Variants in HMCN1 observed in about 807,000 individuals in gnomAD.
HMCN1 encodes hemicentin 1, also known as hemicentin-1.
Under a neutral mutation model 625.9 loss-of-function variants are expected in HMCN1, and 321 were observed. That is an observed-to-expected ratio of 0.51 (90% CI 0.47 to 0.56). HMCN1 has a LOEUF of 0.56. HMCN1 is among the 20% of genes least tolerant of loss of function. The pLI is 0.00. For synonymous variants in HMCN1, 2,425 were observed against 2,417.6 expected (o/e 1.00, Z -0.09); for missense variants, 6,588 against 6,887.3 (o/e 0.96, Z 1.54).
At position 186,047,003 on chromosome 1, in the gene HMCN1, A is replaced by G. The variant is rs368108049; in HGVS notation, c.6480+1140A>G. 2.6e-5 allele frequency among the ~76,000 whole-genome samples: 4 copies of G among 152,154 alleles called. No individual in the cohort carries two copies. In the East Asian group the frequency reaches 7.7e-4, roughly 29 times the overall value. On this transcript the variant is annotated intron_variant, in intron 41 of 106. Transcript: ENST00000271588. Reference sequence around the variant, plus strand: ...CAGAACCCATGCTACTAACCACCACATAGCCTCTTGCTAAAGGAATGTTTA... The same window carrying G: ...CAGAACCCATGCTACTAACCACCACGTAGCCTCTTGCTAAAGGAATGTTTA...
chr1:186,136,525 A>G, intron 86 of HMCN1, 143 bp from the exon 87 acceptor site: 1 of 740,362 alleles, frequency 1.4e-6, no homozygotes, highest in Non-Finnish European at 2.3e-6. Context: ...TGGCAATTAT[A>G]ATCTATAATC....
chr1:185,765,824 C>T (rs1655837926), intron 1 of HMCN1, among the ~76,000 whole-genome samples: 1 of 152,180 alleles, frequency 6.6e-6, no homozygotes, highest in African/African-American at 2.4e-5. Flanking sequence ...GCCCAGCAAT[C>T]TGTGTTCTAA....
intron 4 of HMCN1, among the ~76,000 whole-genome samples, chr1:185,885,666 C>T (rs1664599915): frequency 1.3e-5 from 2 of 151,918 alleles, no homozygotes; most frequent in African/African-American, 4.8e-5. Context: ...GATTTATAAA[C>T]ATCACTGTAT....
chr1:185,867,118 A>C (rs995790312), intron 4 of HMCN1, among the ~76,000 whole-genome samples: 1 of 152,248 alleles, frequency 6.6e-6, no homozygotes, highest in East Asian at 1.9e-4. Flanking sequence ...GAATCTAGCG[A>C]AAAATTTTTT....
chr1:185,891,455 G>T (rs1425315239), intron 4 of HMCN1, among the ~76,000 whole-genome samples: 2 of 148,252 alleles, frequency 1.3e-5, no homozygotes, highest in Non-Finnish European at 2.9e-5. Context: ...GGTACCGGTT[G>T]TTCCTTTCAT....
At chr1:186,094,230 G>C (rs1182561423) in intron 66 of HMCN1, 46 bp from the exon 67 acceptor site, 2 of 1,361,958 alleles carry the variant, frequency 1.5e-6, no homozygotes, top group African/African-American at 1.4e-5. Context: ...ATGTGTACTT[G>C]TTGTATGGGA....
intron 4 of HMCN1, among the ~76,000 whole-genome samples, chr1:185,899,025 T>C (rs1161018079): frequency 6.6e-6 from 1 of 152,048 alleles, no homozygotes; most frequent in Non-Finnish European, 1.5e-5. Context: ...GGCCCTTCTT[T>C]TGTGTGGACC....
In HMCN1 at chr1:186,152,805, G is replaced by A; in HGVS notation, c.14952G>A (p.Leu4984=). 1.2e-6 allele frequency: 2 copies of A among 1,614,008 alleles called. No homozygotes were observed. The highest frequency in any genetic ancestry group is 2.2e-5 in the South Asian group (2 of 91,070). ...GGGGCTTGGATTCCGATGGTTCTTT[G>A]CTGCTAGATATCGTTGTGAGTGGCT... ...IARGLDSDGS[L]LLDIVVSGYV... The change falls in exon 96 of 107, where the codon TTG becomes TTA. Residue 4984 remains leucine, a synonymous_variant. Transcript: ENST00000271588.
chr1:185,801,126 A>G (rs1658765645), intron 1 of HMCN1, among the ~76,000 whole-genome samples: 1 of 152,246 alleles, frequency 6.6e-6, no homozygotes, highest in Admixed American at 6.5e-5. Flanking sequence ...TAAATTGAGT[A>G]GAAAAACAAA....
At chr1:185,903,089 C>A (rs977099761) in intron 4 of HMCN1, among the ~76,000 whole-genome samples, 1 of 151,704 alleles carries the variant, frequency 6.6e-6, no homozygotes, top group African/African-American at 2.4e-5. Context: ...GCTAAATTTT[C>A]TCTCTCATTT....
At chr1:185,953,854 G>A (rs895806233) in intron 11 of HMCN1, among the ~76,000 whole-genome samples, 2 of 151,406 alleles carry the variant, frequency 1.3e-5, no homozygotes, top group South Asian at 2.1e-4. Flanking sequence ...GGCTGAGTCC[G>A]AAAAGAGAGT....
intron 1 of HMCN1, among the ~76,000 whole-genome samples, chr1:185,836,844 A>G (rs1438006534): frequency 1.3e-5 from 2 of 152,016 alleles, no homozygotes; most frequent in African/African-American, 4.8e-5. Flanking sequence ...ATATGTATTC[A>G]ATGTTTAGCT....
intron 47 of HMCN1, 60 bp downstream of exon 47, chr1:186,062,024 G>A: frequency 8.4e-6 from 9 of 1,070,794 alleles, no homozygotes; most frequent in Non-Finnish European, 1.2e-5. Flanking sequence ...CCTGGAAGCA[G>A]AGTTAAAATT....
At chr1:185,954,954 A>G in intron 11 of HMCN1, among the ~76,000 whole-genome samples, 1 of 152,112 alleles carries the variant, frequency 6.6e-6, no homozygotes, top group East Asian at 1.9e-4. Flanking sequence ...TAAATGAGCT[A>G]TTGTAAAATT....
intron 15 of HMCN1, among the ~76,000 whole-genome samples, chr1:185,970,728 G>A (rs1650756472): frequency 1.3e-5 from 2 of 151,472 alleles, no homozygotes; most frequent in South Asian, 2.1e-4. Context: ...GTGCTATCTC[G>A]GCTCACTGCA....
At chr1:186,063,868 A>G (rs1657934474) in intron 48 of HMCN1, among the ~76,000 whole-genome samples, 1 of 152,204 alleles carries the variant, frequency 6.6e-6, no homozygotes, top group African/African-American at 2.4e-5. Flanking sequence ...CAAAATAAAC[A>G]CATCTCTAAG....
chr1:185,973,162 G>A (rs1383025765), intron 15 of HMCN1, among the ~76,000 whole-genome samples: 1 of 152,024 alleles, frequency 6.6e-6, no homozygotes, highest in East Asian at 1.9e-4. Context: ...AAGATAAAAC[G>A]AGACATCATC....
intron 1 of HMCN1, among the ~76,000 whole-genome samples, chr1:185,834,701 A>C (rs1272041960): frequency 6.6e-6 from 1 of 152,214 alleles, no homozygotes; most frequent in Non-Finnish European, 1.5e-5. Flanking sequence ...AGGGGATTAC[A>C]CAAGAGTATG....
At chr1:185,932,041 G>A (rs963103468) in intron 10 of HMCN1, among the ~76,000 whole-genome samples, 8 of 152,090 alleles carry the variant, frequency 5.3e-5, no homozygotes, top group African/African-American at 1.9e-4. Context: ...AGGCATATTT[G>A]TACTAAAATA....
Sources: gnomAD v4.1 joint callset for allele counts (sites outside exome capture counted in the v4.1 genomes callset) on GRCh38, gnomAD v4.1.1 for gene constraint, MANE v1.5 for transcripts, NCBI Gene and HGNC (gene_info 2026-07-23, HGNC 2026-07-21) for gene names.